The following C1QTNF3 variants were observed in gnomAD, a reference collection of about 807,000 sequenced individuals.
The protein encoded by C1QTNF3 is C1q and TNF related 3, also known as complement C1q tumor necrosis factor-related protein 3.
In C1QTNF3, 26 loss-of-function variants were observed where a neutral mutation model predicts 32.6. That is an observed-to-expected ratio of 0.80 (90% CI 0.58 to 1.11). C1QTNF3 has a LOEUF of 1.11. Among genes scored for constraint, C1QTNF3 ranks in the 50% least tolerant of loss-of-function variants. The pLI, the probability that C1QTNF3 is intolerant of heterozygous loss-of-function variation, is 0.00. For synonymous variants in C1QTNF3, 155 were observed against 146.0 expected, an observed-to-expected ratio of 1.06 and a Z score of -0.44; for missense variants, 362 against 398.2, an observed-to-expected ratio of 0.91 and a Z score of 0.77.
the C1QTNF3 span, among the ~76,000 whole-genome samples, chr5:34,138,577 C>G: frequency 1.3e-5 from 2 of 151,976 alleles, no homozygotes; most frequent in African/African-American, 4.8e-5. Context: ...TAATCTCTCA[C>G]TTGAATTCTA....
chr5:34,166,878 T>C, the C1QTNF3 span: 5 of 152,164 alleles, frequency 3.3e-5, no homozygotes, highest in African/African-American at 1.2e-4. Flanking sequence ...TTTGTGAAGG[T>C]TTTGCCATCA....
chr5:34,213,315 A>G, the C1QTNF3 span, among the ~76,000 whole-genome samples: 1 of 152,146 alleles, frequency 6.6e-6, no homozygotes, highest in African/African-American at 2.4e-5. Flanking sequence ...CACACTTCTC[A>G]GAACATATCC....
the C1QTNF3 span, among the ~76,000 whole-genome samples, chr5:34,238,050 A>C: frequency 6.6e-6 from 1 of 152,248 alleles, no homozygotes; most frequent in Non-Finnish European, 1.5e-5. Context: ...TACACCTGTG[A>C]AACCAAACAC....
At chr5:34,061,810 T>G in the C1QTNF3 span, among the ~76,000 whole-genome samples, 1 of 152,194 alleles carries the variant, frequency 6.6e-6, no homozygotes, top group Admixed American at 6.5e-5. Flanking sequence ...GGGAGGGACT[T>G]CTGTGAAGAC....
intron 4 of C1QTNF3, among the ~76,000 whole-genome samples, chr5:34,027,755 A>C (rs1364331216): frequency 2.2e-5 from 3 of 136,432 alleles, no homozygotes; most frequent in African/African-American, 8.5e-5. Flanking sequence ...AAAAAAAAAA[A>C]GCAAACTGGA....
chr5:34,219,402 G>A, the C1QTNF3 span, among the ~76,000 whole-genome samples: 2 of 151,116 alleles, frequency 1.3e-5, no homozygotes, highest in Admixed American at 1.3e-4. Context: ...TTTTACTTAG[G>A]GAGTAGAAAG....
chr5:34,078,476 C>T, the C1QTNF3 span, among the ~76,000 whole-genome samples: 1 of 151,822 alleles, frequency 6.6e-6, no homozygotes, highest in Admixed American at 6.5e-5. The surrounding 1 kb of genome is among the most constrained non-coding windows in gnomAD (Gnocchi z 4.0). Flanking sequence ...AGAAGGAGAA[C>T]AGGAGAAACT....
chr5:34,203,717 T>C, the C1QTNF3 span, among the ~76,000 whole-genome samples: 1 of 147,970 alleles, frequency 6.8e-6, no homozygotes, highest in Non-Finnish European at 1.5e-5. Context: ...GGTAGATTGA[T>C]GGAACGAACT....
the C1QTNF3 span, among the ~76,000 whole-genome samples, chr5:34,120,200 C>T: frequency 6.6e-6 from 1 of 152,132 alleles, no homozygotes; most frequent in Non-Finnish European, 1.5e-5. Context: ...TTCACTTTGG[C>T]ATTCATGCAT....
the C1QTNF3 span, among the ~76,000 whole-genome samples, chr5:34,222,921 G>T: frequency 6.6e-6 from 1 of 151,844 alleles, no homozygotes; most frequent in Non-Finnish European, 1.5e-5. Flanking sequence ...TAATGAGATT[G>T]ACTCCCTCCT....
intron 4 of C1QTNF3, among the ~76,000 whole-genome samples, chr5:34,025,529 C>T (rs1413598382): frequency 1.3e-5 from 2 of 152,206 alleles, no homozygotes; most frequent in Non-Finnish European, 2.9e-5. Context: ...CACATTTGCA[C>T]TACGGTTTGG....
chr5:34,025,347 T>C (rs942317180), intron 4 of C1QTNF3, among the ~76,000 whole-genome samples: 1 of 152,222 alleles, frequency 6.6e-6, no homozygotes, highest in Admixed American at 6.5e-5. Context: ...TAGTTTTTCT[T>C]ACAAAATGAT....
chr5:34,163,694 G>C, the C1QTNF3 span, among the ~76,000 whole-genome samples: 9 of 151,932 alleles, frequency 5.9e-5, no homozygotes, highest in African/African-American at 1.9e-4. Context: ...ATTGATAAAA[G>C]GTCCCTATTA....
chr5:34,176,855 T>C, the C1QTNF3 span, among the ~76,000 whole-genome samples: 2 of 79,746 alleles, frequency 2.5e-5, no homozygotes, highest in Non-Finnish European at 6.1e-5. Context: ...AGACCCTATC[T>C]CATGAATGAA....
the C1QTNF3 span, among the ~76,000 whole-genome samples, chr5:34,091,065 C>T: frequency 2.0e-5 from 3 of 152,178 alleles, no homozygotes; most frequent in Non-Finnish European, 2.9e-5. Flanking sequence ...GTGCTGGATG[C>T]GTGTATTGAA....
the C1QTNF3 span, among the ~76,000 whole-genome samples, chr5:34,056,454 GTA>G: frequency 3.1e-4 from 15 of 48,970 alleles, no homozygotes; most frequent in East Asian, 9.8e-4. Context: ...GTGTGTGTGT[GTA>G]TATATATATA....
chr5:34,070,402 G>A, the C1QTNF3 span, among the ~76,000 whole-genome samples: 1 of 152,142 alleles, frequency 6.6e-6, no homozygotes, highest in East Asian at 1.9e-4. Flanking sequence ...GGGGCAGAGA[G>A]TAAATTCTCT....
At chr5:34,132,435 G>GTGTATGTGTATATATA in the C1QTNF3 span, among the ~76,000 whole-genome samples, 1 of 137,726 alleles carries the variant, frequency 7.3e-6, no homozygotes, top group African/African-American at 2.9e-5. Context: ...GTATGTGTAT[G>GTGTATGTGTATATATA]TATATATATA....
At chr5:34,084,218 T>C in the C1QTNF3 span, among the ~76,000 whole-genome samples, 1 of 151,722 alleles carries the variant, frequency 6.6e-6, no homozygotes, top group Non-Finnish European at 1.5e-5. Context: ...TCAGACAAAA[T>C]ATTTATTTGT....
Sources: gnomAD v4.1 joint callset for allele counts (sites outside exome capture counted in the v4.1 genomes callset) on GRCh38, gnomAD v4.1.1 for gene constraint, Gnocchi (gnomAD v3.1) non-coding constraint, MANE v1.5 for transcripts, NCBI Gene and HGNC (gene_info 2026-07-23, HGNC 2026-07-21) for gene names.